The following LINGO2 variants were observed in gnomAD, a reference collection of about 807,000 sequenced individuals.
LINGO2 encodes the protein leucine rich repeat and Ig domain containing 2.
LINGO2 carries 14 observed loss-of-function variants against 30.6 expected under a neutral mutation model. That is an observed-to-expected ratio of 0.46 (90% CI 0.30 to 0.72). The LOEUF (loss-of-function observed/expected upper bound fraction) is 0.72, where lower values mean the gene tolerates loss of function less well. LINGO2 is among the 30% of genes least tolerant of loss of function. The pLI is 0.07. For synonymous variants in LINGO2, 317 were observed against 288.5 expected (o/e 1.10, Z -1.00); for missense variants, 729 against 751.7 (o/e 0.97, Z 0.35).
intron 2 of LINGO2, among the ~76,000 whole-genome samples, chr9:28,435,295 C>T (rs1429341755): frequency 6.6e-6 from 1 of 152,138 alleles, no homozygotes; most frequent in Non-Finnish European, 1.5e-5. Context: ...CATAATTTAA[C>T]ACTCTAGTAC....
At chr9:28,461,856 C>A (rs1009763559) in intron 2 of LINGO2, among the ~76,000 whole-genome samples, 3 of 152,108 alleles carry the variant, frequency 2.0e-5, no homozygotes, top group Non-Finnish European at 4.4e-5. Context: ...GCAATGGTGA[C>A]AGCTCTACAT....
the LINGO2 span, among the ~76,000 whole-genome samples, chr9:29,179,316 C>G: frequency 6.6e-6 from 1 of 151,120 alleles, no homozygotes; most frequent in South Asian, 2.1e-4. Context: ...GCTTGTTTCC[C>G]CCAAAAACAC....
At chr9:28,133,618 G>C (rs1267151554) in intron 4 of LINGO2, among the ~76,000 whole-genome samples, 1 of 152,134 alleles carries the variant, frequency 6.6e-6, no homozygotes, top group Non-Finnish European at 1.5e-5. Flanking sequence ...AATGTGTTGA[G>C]AGACAGGCTC....
chr9:28,973,815 G>A, the LINGO2 span, among the ~76,000 whole-genome samples: 1 of 152,032 alleles, frequency 6.6e-6, no homozygotes, highest in African/African-American at 2.4e-5. Flanking sequence ...CAAACATAAA[G>A]GTTAAACAAA....
At chr9:28,622,553 C>T (rs1422337961) in intron 1 of LINGO2, among the ~76,000 whole-genome samples, 1 of 151,778 alleles carries the variant, frequency 6.6e-6, no homozygotes, top group Non-Finnish European at 1.5e-5. Context: ...CTGAATAGTG[C>T]TCCATTGTGC....
the LINGO2 span, among the ~76,000 whole-genome samples, chr9:28,934,607 A>G: frequency 1.3e-5 from 2 of 152,202 alleles, no homozygotes; most frequent in Non-Finnish European, 2.9e-5. Context: ...AGATATTTCT[A>G]TTTGGTAGGT....
the LINGO2 span, among the ~76,000 whole-genome samples, chr9:28,841,315 A>C: frequency 1.3e-5 from 2 of 151,750 alleles, no homozygotes; most frequent in South Asian, 4.1e-4. Context: ...AAAGCGGATG[A>C]ACAAAAGATT....
At chr9:28,285,222 T>C (rs1823463159) in intron 4 of LINGO2, among the ~76,000 whole-genome samples, 1 of 151,176 alleles carries the variant, frequency 6.6e-6, no homozygotes, top group Non-Finnish European at 1.5e-5. Context: ...ATCATTATCA[T>C]CGTTATCATC....
chr9:28,503,321 T>C (rs1252187068), intron 1 of LINGO2, among the ~76,000 whole-genome samples: 3 of 152,078 alleles, frequency 2.0e-5, no homozygotes, highest in Admixed American at 2.0e-4. Flanking sequence ...GTTTAAGACA[T>C]GTCATTATAG....
intron 2 of LINGO2, among the ~76,000 whole-genome samples, chr9:28,424,641 C>A (rs561536860): frequency 6.6e-6 from 1 of 152,142 alleles, no homozygotes; most frequent in Non-Finnish European, 1.5e-5. Context: ...TGTAAGCCGA[C>A]GTCATTTAAG....
chr9:28,884,706 TATATAC>T, the LINGO2 span, among the ~76,000 whole-genome samples: 5,723 of 145,314 alleles, frequency 0.039, 173 homozygotes, highest in Admixed American at 0.078. Context: ...TGTATATATA[TATATAC>T]AAATTTGTAA....
chr9:29,083,652 A>AAAT, the LINGO2 span, among the ~76,000 whole-genome samples: 55 of 151,968 alleles, frequency 3.6e-4, no homozygotes, highest in East Asian at 9.9e-3. Context: ...ATGAAAAAAA[A>AAAT]AATAGCTGGG....
At chr9:29,024,166 G>C in the LINGO2 span, among the ~76,000 whole-genome samples, 1 of 151,954 alleles carries the variant, frequency 6.6e-6, no homozygotes, top group Non-Finnish European at 1.5e-5. Context: ...CCAAAATATA[G>C]ATCTGATCAT....
intron 4 of LINGO2, among the ~76,000 whole-genome samples, chr9:28,028,250 G>A (rs550011030): frequency 2.0e-5 from 3 of 152,124 alleles, no homozygotes; most frequent in Non-Finnish European, 4.4e-5. Context: ...CTTCAGGTTG[G>A]TAGACTTTTA....
At chr9:28,900,540 C>T in the LINGO2 span, among the ~76,000 whole-genome samples, 6 of 152,188 alleles carry the variant, frequency 3.9e-5, no homozygotes, top group African/African-American at 1.4e-4. Context: ...AAGGCCATCT[C>T]TGCATACCCG....
At chr9:28,106,765 G>C (rs897300333) in intron 4 of LINGO2, among the ~76,000 whole-genome samples, 1 of 152,030 alleles carries the variant, frequency 6.6e-6, no homozygotes, top group Non-Finnish European at 1.5e-5. Context: ...TTCAAACTTT[G>C]GTTACTTTAT....
At chr9:28,869,964 C>A in the LINGO2 span, among the ~76,000 whole-genome samples, 2 of 151,556 alleles carry the variant, frequency 1.3e-5, no homozygotes, top group Non-Finnish European at 2.9e-5. Flanking sequence ...TCAAAGCCAA[C>A]GTTATTATAC....
At chr9:28,344,408 G>T (rs987444811) in intron 3 of LINGO2, among the ~76,000 whole-genome samples, 1 of 152,026 alleles carries the variant, frequency 6.6e-6, no homozygotes, top group Admixed American at 6.6e-5. Flanking sequence ...ACTGTAAACA[G>T]TATAACAGTA....
intron 3 of LINGO2, among the ~76,000 whole-genome samples, chr9:28,355,287 C>A (rs1194121278): frequency 9.2e-6 from 1 of 108,320 alleles, no homozygotes; most frequent in African/African-American, 3.5e-5. Context: ...CTGTCTCTCT[C>A]TCTCTCTCTA....
Sources: allele counts gnomAD v4.1 joint callset (sites outside exome capture counted in the v4.1 genomes callset), GRCh38; gene constraint gnomAD v4.1.1; transcripts MANE v1.5; gene names NCBI Gene and HGNC (gene_info 2026-07-23, HGNC 2026-07-21).